Variants in SNRPD1 observed in about 807,000 individuals in gnomAD.
The protein encoded by SNRPD1 is small nuclear ribonucleoprotein Sm D1.
A neutral mutation model predicts 14.4 loss-of-function variants in SNRPD1; 1 was observed. The ratio of observed to expected loss-of-function variants is 0.07; its 90% confidence interval spans 0.02 to 0.33. The LOEUF (loss-of-function observed/expected upper bound fraction) is 0.33. SNRPD1 is among the 10% of genes least tolerant of loss of function. The pLI is 1.00. For synonymous variants in SNRPD1, 42 were observed against 50.3 expected (o/e 0.83, Z 0.70); for missense variants, 52 against 146.4 (o/e 0.36, Z 3.33).
rs1211335805 is a variant in SNRPD1 at position 21,633,499 on chromosome 18, T to G, written c.*4361T>G. ...TTAATGTGAAATTCTTGTGGATCTG[T>G]GAAATAAAGAGGAGTACTTTCTTTT... On this transcript the variant is annotated 3_prime_UTR_variant, in exon 4 of 4. Coordinates refer to ENST00000300413, the MANE Select transcript of SNRPD1 (RefSeq NM_006938.4). The G allele has an allele frequency of 6.6e-6, 1 of 152,154 alleles. No homozygotes were observed. The highest frequency in any genetic ancestry group is 1.5e-5 in the Non-Finnish European group (1 of 68,034). 9.4% of individuals were successfully genotyped at this position (152,154 alleles called of 1,614,324 possible).
intron 3 of SNRPD1, among the ~76,000 whole-genome samples, chr18:21,625,383 C>A (rs995988441): frequency 1.5e-5 from 2 of 135,488 alleles, no homozygotes; most frequent in African/African-American, 6.0e-5. Context: ...GTGGCAGGAT[C>A]TCAGCTCACT....
At chr18:21,618,929 C>A (rs2038977254) in intron 1 of SNRPD1, among the ~76,000 whole-genome samples, 1 of 152,158 alleles carries the variant, frequency 6.6e-6, no homozygotes, top group South Asian at 2.1e-4. Context: ...TCCCTACCCT[C>A]AAGAATAGTC....
intron 3 of SNRPD1, among the ~76,000 whole-genome samples, chr18:21,626,367 C>G (rs952472562): frequency 2.2e-5 from 3 of 134,362 alleles, no homozygotes; most frequent in African/African-American, 8.8e-5. Context: ...GCACTCCAGC[C>G]TGGGTGACAG....
chr18:21,620,899 C>A (rs948254766), intron 1 of SNRPD1, among the ~76,000 whole-genome samples: 1 of 152,242 alleles, frequency 6.6e-6, no homozygotes, highest in East Asian at 1.9e-4. Flanking sequence ...CGCGGTGGCT[C>A]ATGCCTGTAA....
intron 1 of SNRPD1, among the ~76,000 whole-genome samples, chr18:21,620,321 G>A (rs1404385409): frequency 6.6e-6 from 1 of 151,760 alleles, no homozygotes; most frequent in African/African-American, 2.4e-5. Flanking sequence ...GGCAGGTCTC[G>A]AACTCCTGGC....
At chr18:21,617,449 T>C (rs932991072) in intron 1 of SNRPD1, among the ~76,000 whole-genome samples, 4 of 152,194 alleles carry the variant, frequency 2.6e-5, no homozygotes, top group Admixed American at 2.6e-4. Context: ...ATTACTGTAG[T>C]TTTAACTTGT....
chr18:21,627,796 C>T (rs980691270), intron 3 of SNRPD1, among the ~76,000 whole-genome samples: 1 of 152,128 alleles, frequency 6.6e-6, no homozygotes, highest in Non-Finnish European at 1.5e-5. Flanking sequence ...AGAAATTTTA[C>T]ATTGATGTGT....
At position 21,615,952 on chromosome 18, in the gene SNRPD1, T is replaced by C. The variant is rs2038954009; in HGVS notation, c.14+3509T>C. Among the ~76,000 whole-genome samples, 3 of 152,294 alleles carry C rather than the reference T, an allele frequency of 2.0e-5. No individual in the cohort carries two copies. In the South Asian group the frequency reaches 6.2e-4, roughly 32 times the overall value. ...AATTTTAGCCATTTTAGTGGGTATGTAGTGGTATCTCCTTAGGGTTTAGTC... is the reference window on the plus strand; with the variant it reads ...AATTTTAGCCATTTTAGTGGGTATGCAGTGGTATCTCCTTAGGGTTTAGTC... On this transcript the variant is annotated intron_variant, in intron 1 of 3. Transcript: ENST00000300413.
intron 3 of SNRPD1, among the ~76,000 whole-genome samples, chr18:21,627,635 ACT>A (rs2039050989): frequency 6.7e-6 from 1 of 149,172 alleles, no homozygotes; most frequent in Non-Finnish European, 1.5e-5. Flanking sequence ...CACCCCTCCA[ACT>A]CTGTTTTTCC....
chr18:21,617,452 T>C (rs2038965740), intron 1 of SNRPD1, among the ~76,000 whole-genome samples: 1 of 152,224 alleles, frequency 6.6e-6, no homozygotes, highest in South Asian at 2.1e-4. Context: ...ACTGTAGTTT[T>C]AACTTGTATA....
intron 1 of SNRPD1, among the ~76,000 whole-genome samples, chr18:21,621,641 G>A (rs956854380): frequency 6.6e-6 from 1 of 151,848 alleles, no homozygotes; most frequent in African/African-American, 2.4e-5. Context: ...GCAGTGGTGC[G>A]ATCTTGGCTG....
At chr18:21,619,475 C>T (rs771597323) in intron 1 of SNRPD1, among the ~76,000 whole-genome samples, 1 of 151,688 alleles carries the variant, frequency 6.6e-6, no homozygotes, top group Non-Finnish European at 1.5e-5. Context: ...AGCCACCACA[C>T]CTGGCGAAGA....
rs1332656489 is a variant in SNRPD1 at position 21,629,165 on chromosome 18, G to A, written c.*27G>A. ...GTCTCTCAAGATTTCAAAGTCATAT[G>A]AGATTTGGGATATTTTTTGTACAGG... On this transcript the variant is annotated 3_prime_UTR_variant, in exon 4 of 4. Coordinates refer to ENST00000300413, the MANE Select transcript of SNRPD1 (RefSeq NM_006938.4). 1.3e-6 allele frequency: 2 copies of A among 1,526,788 alleles called. No individual in the cohort carries two copies. The highest frequency in any genetic ancestry group is 1.8e-6 in the Non-Finnish European group (2 of 1,101,180). 94.6% of individuals were successfully genotyped at this position (1,526,788 alleles called of 1,614,324 possible).
At chr18:21,624,523 C>G (rs2039021479) in intron 3 of SNRPD1, among the ~76,000 whole-genome samples, 1 of 151,790 alleles carries the variant, frequency 6.6e-6, no homozygotes, top group Non-Finnish European at 1.5e-5. Flanking sequence ...GAAACCCCCT[C>G]TCTACTAAAA....
chr18:21,613,264 T>C (rs903085113), intron 1 of SNRPD1, among the ~76,000 whole-genome samples: 10 of 152,150 alleles, frequency 6.6e-5, no homozygotes, highest in Non-Finnish European at 1.0e-4. Flanking sequence ...TGCAAGTAGA[T>C]TTGGTTTTGG....
At chr18:21,621,531 G>C (rs2038997862) in intron 1 of SNRPD1, among the ~76,000 whole-genome samples, 2 of 152,086 alleles carry the variant, frequency 1.3e-5, no homozygotes, top group Admixed American at 1.3e-4. Context: ...CTTCCAAGTA[G>C]CTGGGATTAC....
chr18:21,617,780 A>T (rs1399844278), intron 1 of SNRPD1, among the ~76,000 whole-genome samples: 1 of 152,174 alleles, frequency 6.6e-6, no homozygotes, highest in Non-Finnish European at 1.5e-5. Context: ...AGGCAGGCAG[A>T]TCACTTGGGC....
In SNRPD1 at chr18:21,629,423, A is replaced by T. The variant is rs112445595; in HGVS notation, c.*285A>T. The T allele has an allele frequency of 7.1e-6, 2 of 280,032 alleles. No individual in the cohort carries two copies. The highest frequency in any genetic ancestry group is 4.4e-5 in the African/African-American group (2 of 45,344). 17.3% of individuals were successfully genotyped at this position (280,032 alleles called of 1,614,324 possible). ...TTAAAATAAAAGCCTTAGACAAATT[A>T]AATTTGGCAGAGTTTAATTGAGCAA... On this transcript the variant is annotated 3_prime_UTR_variant, in exon 4 of 4. Transcript: ENST00000300413.
At chr18:21,617,174 G>T (rs1221357341) in intron 1 of SNRPD1, among the ~76,000 whole-genome samples, 1 of 151,934 alleles carries the variant, frequency 6.6e-6, no homozygotes, top group Non-Finnish European at 1.5e-5. Context: ...ACCATATAAG[G>T]CCAGGCTTGG....
Sources: gnomAD v4.1 joint callset for allele counts (sites outside exome capture counted in the v4.1 genomes callset) on GRCh38, gnomAD v4.1.1 for gene constraint, MANE v1.5 for transcripts, NCBI Gene and HGNC (gene_info 2026-07-23, HGNC 2026-07-21) for gene names.